Variants in CCNJL observed in about 807,000 individuals in gnomAD.
CCNJL encodes the protein cyclin J like, also known as cyclin-J-like protein.
Under a neutral mutation model 33.4 loss-of-function variants are expected in CCNJL, and 33 were observed. That is an observed-to-expected ratio of 0.99 (90% CI 0.75 to 1.32). The LOEUF (loss-of-function observed/expected upper bound fraction) is 1.32, where lower values mean the gene tolerates loss of function less well. Ranked by LOEUF, CCNJL falls within the 40% of genes most tolerant of loss-of-function variation. The probability of loss-of-function intolerance (pLI) is 0.00; values close to 1 mark genes in which losing one functional copy is unlikely to be tolerated. For missense variants in CCNJL, 512 were observed against 499.7 expected, an observed-to-expected ratio of 1.02 and a Z score of -0.23; for synonymous variants, 227 against 220.9, an observed-to-expected ratio of 1.03 and a Z score of -0.24.
chr5:160,296,565 T>C (rs1762756535), intron 2 of CCNJL, among the ~76,000 whole-genome samples: 1 of 152,160 alleles, frequency 6.6e-6, no homozygotes, highest in South Asian at 2.1e-4. Context: ...CCAGGGTGCA[T>C]TTCCAGGGAG....
Position 160,249,793 on chromosome 5 carries a change from TAAATAAATAAATA to T in CCNJL, c.*3572_*3584del, listed in dbSNP as rs1378047336. The stretch of plus-strand genomic sequence containing the variant: ...ATAAATAAATAAATAAATAAATAAA[TAAATAAATAAATA>T]AAATAAAAATTTAAAAAATCAAACT... On this transcript the variant is annotated 3_prime_UTR_variant, in exon 6 of 6. Transcript: ENST00000257536. 1 of 126,792 alleles carries T rather than the reference TAAATAAATAAATA, an allele frequency of 7.9e-6. No individual in the cohort carries two copies. The highest frequency in any genetic ancestry group is 1.7e-5 in the Non-Finnish European group (1 of 57,908). The allele number at this position is 126,792 out of a possible 1,614,324, so 7.9% of individuals were successfully genotyped here. A position where few individuals can be genotyped will look rare whatever the true frequency, so the allele number is the denominator to read the frequency against.
At chr5:160,315,751 G>A (rs1350333837), upstream of CCNJL, among the ~76,000 whole-genome samples, 1 of 152,110 alleles carries the variant, frequency 6.6e-6, no homozygotes, top group Non-Finnish European at 1.5e-5. Flanking sequence ...CAGAAAAAAA[G>A]AGTGAATGTT....
In CCNJL at chr5:160,251,329, T is replaced by C. The variant is rs1760795744; in HGVS notation, c.*2049A>G. 6.6e-6 allele frequency: 1 copy of C among 152,246 alleles called. No homozygotes were observed. The highest frequency in any genetic ancestry group is 1.5e-5 in the Non-Finnish European group (1 of 68,048). The allele number at this position is 152,246 out of a possible 1,614,324, so 9.4% of individuals were successfully genotyped here. A position where few individuals can be genotyped will look rare whatever the true frequency, so the allele number is the denominator to read the frequency against. ...TACCTGAATTTCCAGCCTGCTGACATGCCCCACAAATTTTAGACCACAGCC... is the reference window on the plus strand; with the variant it reads ...TACCTGAATTTCCAGCCTGCTGACACGCCCCACAAATTTTAGACCACAGCC... On this transcript the variant is annotated 3_prime_UTR_variant, in exon 6 of 6. Transcript: ENST00000257536.
At position 160,280,740 on chromosome 5, in the gene CCNJL, T is replaced by C; in HGVS notation, c.67-2A>G. On this transcript the variant is annotated splice_acceptor_variant, in intron 2 of 5. Transcript: ENST00000257536. LOFTEE classifies it high-confidence loss of function. ...TCGGAAGGTGGGCAGCTTCAGTTCC[T>C]GGAGGACAGGCGGGGCGGAGGGGTG... 1 of 1,594,104 alleles carries C rather than the reference T, an allele frequency of 6.3e-7. No homozygotes were observed. Among genetic ancestry groups the C allele is most frequent in the South Asian group, 1.1e-5 (1 of 89,398 alleles).
intron 3 of CCNJL, among the ~76,000 whole-genome samples, chr5:160,278,888 G>T (rs77312507): frequency 6.6e-6 from 1 of 152,198 alleles, no homozygotes; most frequent in African/African-American, 2.4e-5. Flanking sequence ...CCCCGCAGAC[G>T]AAAGGGGGCT....
intron 3 of CCNJL, among the ~76,000 whole-genome samples, chr5:160,274,303 A>T (rs990477118): frequency 2.0e-5 from 3 of 151,896 alleles, no homozygotes; most frequent in Non-Finnish European, 4.4e-5. Context: ...TACTAAAAAT[A>T]AAAAAATGAG....
chr5:160,292,810 T>C (rs1762629873), intron 2 of CCNJL, among the ~76,000 whole-genome samples: 1 of 152,154 alleles, frequency 6.6e-6, no homozygotes, highest in Non-Finnish European at 1.5e-5. Context: ...CCCACAAAGA[T>C]TGGAAGCTTC....
At chr5:160,262,180 C>T (rs1489055939) in intron 3 of CCNJL, among the ~76,000 whole-genome samples, 2 of 152,136 alleles carry the variant, frequency 1.3e-5, no homozygotes, top group East Asian at 1.9e-4. Context: ...CAGGAGGTGG[C>T]GAGGTGAAGG....
At chr5:160,327,836 G>T (rs952918110) in intron 1 of CCNJL, among the ~76,000 whole-genome samples, 12 of 152,114 alleles carry the variant, frequency 7.9e-5, no homozygotes, top group Admixed American at 7.2e-4. Flanking sequence ...TTTCAGTGTC[G>T]GCTTTGGAGG....
intron 1 of CCNJL, among the ~76,000 whole-genome samples, chr5:160,335,644 C>T (rs973532444): frequency 1.3e-4 from 20 of 151,982 alleles, no homozygotes; most frequent in African/African-American, 3.9e-4. Flanking sequence ...GATCATAGCT[C>T]GCTGCAGCCT....
At chr5:160,277,299 T>C (rs921429206) in intron 3 of CCNJL, among the ~76,000 whole-genome samples, 1 of 151,922 alleles carries the variant, frequency 6.6e-6, no homozygotes, top group African/African-American at 2.4e-5. Flanking sequence ...GAAAGAACAG[T>C]AAGGAAGGAA....
At chr5:160,281,392 A>G (rs1762207983) in intron 2 of CCNJL, 1 of 156,088 alleles carries the variant, frequency 6.4e-6, no homozygotes, top group Non-Finnish European at 1.4e-5. Context: ...TTTTCTCTAC[A>G]TGCATATACA....
chr5:160,309,277 T>A (rs1763191693), intron 2 of CCNJL, among the ~76,000 whole-genome samples: 1 of 152,208 alleles, frequency 6.6e-6, no homozygotes, highest in African/African-American at 2.4e-5. Context: ...AAGACTTGTT[T>A]CCATGGTGTC....
chr5:160,301,454 G>T (rs1176986453), intron 2 of CCNJL, among the ~76,000 whole-genome samples: 2 of 148,552 alleles, frequency 1.3e-5, no homozygotes, highest in African/African-American at 5.0e-5. Flanking sequence ...TTTTTTTTGA[G>T]ATGGAGTCTC....
rs1407180251 is a variant in CCNJL, at chr5:160,299,407, C to T, written c.66+12451G>A. On this transcript the variant is annotated intron_variant, in intron 2 of 5. Coordinates refer to ENST00000257536, the MANE Select transcript of CCNJL (RefSeq NM_001308173.3). Reference sequence around the variant, plus strand: ...CCTCAGGTGATCCACCCACCTCGGCCTCCCAAAGTGCTGGGATTATAGAAG... The same window carrying T: ...CCTCAGGTGATCCACCCACCTCGGCTTCCCAAAGTGCTGGGATTATAGAAG... Among the ~76,000 whole-genome samples, 5 of 152,042 alleles carry T rather than the reference C, an allele frequency of 3.3e-5. No individual in the cohort carries two copies. In the East Asian group the frequency reaches 9.6e-4, roughly 29 times the overall value.
chr5:160,269,649 G>A (rs1488855061), intron 3 of CCNJL: 3 of 361,680 alleles, frequency 8.3e-6, no homozygotes, highest in Non-Finnish European at 1.7e-5. Flanking sequence ...CCTGAGGGCT[G>A]ATGTTTTCAT....
chr5:160,289,374 T>C (rs1463002956), intron 2 of CCNJL, among the ~76,000 whole-genome samples: 1 of 152,094 alleles, frequency 6.6e-6, no homozygotes, highest in Non-Finnish European at 1.5e-5. Context: ...GGAGAGTGTT[T>C]TGAGGAATCT....
At chr5:160,288,740 G>A (rs562940959) in intron 2 of CCNJL, among the ~76,000 whole-genome samples, 1 of 148,336 alleles carries the variant, frequency 6.7e-6, no homozygotes, top group South Asian at 2.1e-4. Flanking sequence ...TGAGGCAGGA[G>A]AATGGCATGA....
intron 2 of CCNJL, among the ~76,000 whole-genome samples, chr5:160,292,699 A>G (rs1762625760): frequency 6.8e-6 from 1 of 146,036 alleles, no homozygotes; most frequent in Non-Finnish European, 1.5e-5. Flanking sequence ...ATATATATAT[A>G]TAACTTGAAA....
Sources: allele counts gnomAD v4.1 joint callset (sites outside exome capture counted in the v4.1 genomes callset), GRCh38; gene constraint gnomAD v4.1.1; transcripts MANE v1.5; gene names NCBI Gene and HGNC (gene_info 2026-07-23, HGNC 2026-07-21).